The following DOCK2 variants were observed in gnomAD, a reference collection of about 807,000 sequenced individuals.
The protein encoded by DOCK2 is dedicator of cytokinesis protein 2.
Under a neutral mutation model 248.9 loss-of-function variants are expected in DOCK2, and 87 were observed. The ratio of observed to expected loss-of-function variants is 0.35; its 90% CI spans 0.29 to 0.42. The LOEUF (loss-of-function observed/expected upper bound fraction) is 0.42, where lower values mean the gene tolerates loss of function less well. Ranked by LOEUF, DOCK2 falls within the 10% of genes least tolerant of loss-of-function variation. The pLI is 1.00. For missense variants in DOCK2, 1,747 were observed against 2,300.2 expected, an observed-to-expected ratio of 0.76 and a Z score of 4.92; for synonymous variants, 805 against 821.6, an observed-to-expected ratio of 0.98 and a Z score of 0.35.
Position 169,716,302 on chromosome 5 carries a change from G to C in DOCK2, c.2031G>C (p.Leu677Phe). The C allele has an allele frequency of 6.2e-7, 1 of 1,613,306 alleles. No homozygotes were observed. Among genetic ancestry groups the C allele is most frequent in the Non-Finnish European group, 8.5e-7 (1 of 1,179,474 alleles). Residue 677 changes from leucine to phenylalanine, a missense_variant and splice_region_variant, in exon 20 of 52, where the codon TTG (leucine) becomes TTC (phenylalanine). Leu to Phe is a conservative substitution (Grantham distance 22). This residue lies in a region of DOCK2 where 858 missense variants were observed against 1,183.5 expected (regional missense o/e 0.72). Coordinates refer to ENST00000520908, the MANE Select transcript of DOCK2 (RefSeq NM_004946.3). ...DEYDILVFDA[L>F]IYIIGLIADR... ...ATGACATCCTCGTCTTTGATGCCTT[G>C]GTAAGAGAGAGGGGAAAAGTGTCTA...
chr5:169,949,173 A>G (rs1356366033), intron 27 of DOCK2, among the ~76,000 whole-genome samples: 1 of 152,228 alleles, frequency 6.6e-6, no homozygotes, highest in Non-Finnish European at 1.5e-5. Context: ...TCCATTTATG[A>G]ATCAGTTTCC....
At chr5:170,030,780 C>T (rs77421952) in intron 34 of DOCK2, among the ~76,000 whole-genome samples, 2,643 of 152,282 alleles carry the variant, frequency 0.017, 80 homozygotes, top group African/African-American at 0.06. Context: ...CTAGGCTAGT[C>T]ATCTCAGTTC....
At chr5:170,055,125 A>G (rs897364879) in intron 41 of DOCK2, among the ~76,000 whole-genome samples, 180 bp from the exon 42 acceptor site, 1 of 152,234 alleles carries the variant, frequency 6.6e-6, no homozygotes, top group African/African-American at 2.4e-5. Context: ...CAGCACTGAT[A>G]AGGACCTCAG....
intron 27 of DOCK2, among the ~76,000 whole-genome samples, chr5:169,977,898 C>T (rs367629258): frequency 2.6e-5 from 4 of 152,156 alleles, no homozygotes; most frequent in African/African-American, 9.7e-5. Context: ...ACAGACAGCA[C>T]CAATTTCATC....
chr5:169,916,975 A>G (rs1206682577), intron 27 of DOCK2, among the ~76,000 whole-genome samples: 1 of 152,150 alleles, frequency 6.6e-6, no homozygotes, highest in Non-Finnish European at 1.5e-5. Context: ...TACTCTTCCA[A>G]ATCCAGGACT....
intron 27 of DOCK2, among the ~76,000 whole-genome samples, chr5:169,919,844 C>T (rs1056238749): frequency 6.6e-6 from 1 of 152,112 alleles, no homozygotes; most frequent in Non-Finnish European, 1.5e-5. Context: ...TTTGATGATG[C>T]TTTAAAGGTG....
At chr5:169,791,633 G>A (rs533119712) in intron 25 of DOCK2, among the ~76,000 whole-genome samples, 17 of 152,300 alleles carry the variant, frequency 1.1e-4, no homozygotes, top group African/African-American at 4.1e-4. Flanking sequence ...CTCATGAGCC[G>A]GAGTGAGTGG....
chr5:169,693,037 C>T (rs1009827190), intron 9 of DOCK2, among the ~76,000 whole-genome samples: 1 of 152,070 alleles, frequency 6.6e-6, no homozygotes, highest in African/African-American at 2.4e-5. Flanking sequence ...GGGAGCAATT[C>T]AGCCCCTTCA....
At chr5:169,812,518 T>C (rs1767821711) in intron 26 of DOCK2, among the ~76,000 whole-genome samples, 1 of 152,164 alleles carries the variant, frequency 6.6e-6, no homozygotes, top group African/African-American at 2.4e-5. Flanking sequence ...TGCCCCACCA[T>C]CCGTTTTGTG....
At chr5:169,976,787 T>A (rs1777732175) in intron 27 of DOCK2, among the ~76,000 whole-genome samples, 1 of 152,118 alleles carries the variant, frequency 6.6e-6, no homozygotes, top group Non-Finnish European at 1.5e-5. Context: ...GCCCACAGCG[T>A]CAGGCAGGGG....
intron 1 of DOCK2, among the ~76,000 whole-genome samples, chr5:169,651,201 C>A (rs1314923097): frequency 6.6e-6 from 1 of 152,218 alleles, no homozygotes; most frequent in African/African-American, 2.4e-5. Context: ...GGCAAAGCCA[C>A]TTCCTTTGTC....
At chr5:169,687,707 CT>C (rs1157481890) in intron 8 of DOCK2, among the ~76,000 whole-genome samples, 2 of 152,114 alleles carry the variant, frequency 1.3e-5, no homozygotes, top group African/African-American at 4.8e-5. Flanking sequence ...CTCTATCTTC[CT>C]GGAGTGATGG....
intron 35 of DOCK2, among the ~76,000 whole-genome samples, chr5:170,035,813 G>A (rs958615931): frequency 6.6e-6 from 1 of 152,170 alleles, no homozygotes; most frequent in African/African-American, 2.4e-5. Flanking sequence ...TCAGGTGCAC[G>A]TGGGTGTGCT....
chr5:170,065,944 A>G (rs919299460), intron 44 of DOCK2, among the ~76,000 whole-genome samples: 3 of 148,776 alleles, frequency 2.0e-5, no homozygotes, highest in Non-Finnish European at 4.4e-5. Flanking sequence ...TTCCATGCAA[A>G]TGAAAACTGT....
rs147759054 is a variant in DOCK2, at chr5:169,817,168, T to C, written c.2703+13962T>C. ...ATTAAGAAATCACCCCAGGTTCTTT[T>C]AGCTCCGTCTCACTCACCACCTCTT... On this transcript the variant is annotated intron_variant, in intron 26 of 51. Transcript: ENST00000520908. 1.6e-3 allele frequency among the ~76,000 whole-genome samples: 245 copies of C among 152,346 alleles called. 1 individual carries two copies. The highest frequency in any genetic ancestry group is 5.7e-3 in the African/African-American group (239 of 41,580).
chr5:169,782,664 T>G (rs1765777368), intron 25 of DOCK2, among the ~76,000 whole-genome samples: 1 of 152,078 alleles, frequency 6.6e-6, no homozygotes, highest in South Asian at 2.1e-4. Flanking sequence ...TTGGAGAAAT[T>G]CAACAGCCAT....
chr5:169,878,432 T>C (rs1327975573), intron 27 of DOCK2, among the ~76,000 whole-genome samples: 1 of 152,232 alleles, frequency 6.6e-6, no homozygotes, highest in Non-Finnish European at 1.5e-5. Flanking sequence ...AAAAAGTATT[T>C]AAAAGGACTA....
At chr5:170,042,649 A>G (rs1375328840) in intron 38 of DOCK2, among the ~76,000 whole-genome samples, 2 of 151,932 alleles carry the variant, frequency 1.3e-5, no homozygotes, top group East Asian at 3.9e-4. Flanking sequence ...GCATTCCTCC[A>G]CCATAGCTGC....
chr5:169,714,397 T>C lies in DOCK2; in HGVS notation c.1881T>C (p.Pro627=). 1 of 1,614,128 alleles carries C rather than the reference T, an allele frequency of 6.2e-7. No homozygotes were observed. The highest frequency in any genetic ancestry group is 1.1e-5 in the South Asian group (1 of 91,080). ...LLGLLKWRMK[P]QLLQENLEKL... ...GTTTGCTGAAGTGGCGTATGAAGCC[T>C]CAACTGCTACAGGAGAATTTAGAAA... Residue 627 remains proline, a synonymous_variant, in exon 19 of 52, where the codon CCT becomes CCC. Transcript: ENST00000520908.
Sources: allele counts gnomAD v4.1 joint callset (sites outside exome capture counted in the v4.1 genomes callset), GRCh38; gene constraint gnomAD v4.1.1; regional missense constraint gnomAD v4.1.1; transcripts MANE v1.5; gene names NCBI Gene and HGNC (gene_info 2026-07-23, HGNC 2026-07-21).